PCNX2: variants seen among roughly 807,000 people sequenced by gnomAD.
PCNX2 encodes pecanex-like protein 2.
A neutral mutation model predicts 223.8 loss-of-function variants in PCNX2; 168 were observed. The ratio of observed to expected loss-of-function variants is 0.75; its 90% CI spans 0.66 to 0.85. The LOEUF is 0.85. PCNX2 is among the 40% of genes least tolerant of loss of function. The pLI, the probability that PCNX2 is intolerant of heterozygous loss-of-function variation, is 0.00. For synonymous variants in PCNX2, 1,006 were observed against 1,052.6 expected (o/e 0.96, Z 0.86); for missense variants, 2,507 against 2,675.5 (o/e 0.94, Z 1.39).
intron 1 of PCNX2, chr1:233,290,695 C>T: frequency 1.1e-6 from 1 of 944,238 alleles, no homozygotes; most frequent in Non-Finnish European, 1.3e-6. Context: ...ACAGATAATC[C>T]TATTAATTAT....
chr1:233,030,807 C>G (rs1303509235), intron 25 of PCNX2, among the ~76,000 whole-genome samples: 2 of 152,224 alleles, frequency 1.3e-5, no homozygotes, highest in East Asian at 3.8e-4. Context: ...TCATGTCATT[C>G]CAGTTACCAT....
chr1:233,229,619 G>A (rs1167729896), intron 9 of PCNX2, among the ~76,000 whole-genome samples: 1 of 152,120 alleles, frequency 6.6e-6, no homozygotes, highest in Non-Finnish European at 1.5e-5. Context: ...AGAGCTGAGA[G>A]CATTCCTTCC....
At chr1:233,076,214 T>C (rs1229488935) in intron 23 of PCNX2, among the ~76,000 whole-genome samples, 1 of 152,238 alleles carries the variant, frequency 6.6e-6, no homozygotes, top group Non-Finnish European at 1.5e-5. Flanking sequence ...TGCCATTTAT[T>C]TGAGTGTTTT....
chr1:233,242,159 A>T (rs890122294), intron 8 of PCNX2, among the ~76,000 whole-genome samples: 8 of 152,204 alleles, frequency 5.3e-5, no homozygotes, highest in Non-Finnish European at 1.0e-4. Flanking sequence ...GTGGGTTCAG[A>T]GATATACGGC....
At chr1:233,224,040 G>A (rs577321846) in intron 10 of PCNX2, among the ~76,000 whole-genome samples, 1 of 152,252 alleles carries the variant, frequency 6.6e-6, no homozygotes, top group South Asian at 2.1e-4. Flanking sequence ...CAGAAAGTAA[G>A]TTCCATAAGG....
intron 32 of PCNX2, among the ~76,000 whole-genome samples, chr1:232,988,453 CA>C (rs1669573600): frequency 6.6e-6 from 1 of 151,674 alleles, no homozygotes; most frequent in Non-Finnish European, 1.5e-5. Flanking sequence ...GCAAATGGAA[CA>C]GCACTAAGGA....
intron 23 of PCNX2, among the ~76,000 whole-genome samples, chr1:233,081,635 A>C (rs955441182): frequency 3.3e-5 from 5 of 152,248 alleles, no homozygotes; most frequent in African/African-American, 9.6e-5. Context: ...TTGCAGCCTG[A>C]AGACAGGGAC....
At chr1:233,189,271 T>C (rs536747333) in intron 15 of PCNX2, among the ~76,000 whole-genome samples, 5 of 152,300 alleles carry the variant, frequency 3.3e-5, no homozygotes, top group Non-Finnish European at 5.9e-5. Context: ...CATGGAGATA[T>C]AGTAAGGGGC....
chr1:233,256,647 T>C (rs1572160944), intron 5 of PCNX2, among the ~76,000 whole-genome samples: 1 of 152,356 alleles, frequency 6.6e-6, no homozygotes, highest in South Asian at 2.1e-4. Context: ...CTGGCTACCA[T>C]ATTGGACTGC....
chr1:232,989,453 CA>C (rs1007929012), intron 32 of PCNX2, among the ~76,000 whole-genome samples: 104 of 138,154 alleles, frequency 7.5e-4, no homozygotes, highest in East Asian at 1.9e-3. Context: ...GACTCCGTCT[CA>C]AAAAAAAAAA....
chr1:233,164,858 T>C (rs1249459647), intron 17 of PCNX2, among the ~76,000 whole-genome samples: 1 of 151,618 alleles, frequency 6.6e-6, no homozygotes, highest in Non-Finnish European at 1.5e-5. Flanking sequence ...AGTGGAATAG[T>C]GGTTTGTAGA....
intron 25 of PCNX2, among the ~76,000 whole-genome samples, chr1:233,037,474 G>A (rs1671495289): frequency 6.7e-6 from 1 of 149,080 alleles, no homozygotes; most frequent in African/African-American, 2.4e-5. Context: ...GGGACCTCAG[G>A]CAGGCACAAC....
chr1:233,250,703 A>G (rs1410439494), intron 8 of PCNX2, 36 bp downstream of exon 8: 2 of 1,561,426 alleles, frequency 1.3e-6, no homozygotes, highest in Admixed American at 4.0e-5. Flanking sequence ...CCAGCAATGC[A>G]ACAGCTCTCA....
At chr1:233,212,620 T>A (rs569200086) in intron 12 of PCNX2, among the ~76,000 whole-genome samples, 1 of 152,226 alleles carries the variant, frequency 6.6e-6, no homozygotes, top group African/African-American at 2.4e-5. Context: ...CACTCCGCTA[T>A]CTCCTAGTTC....
At chr1:233,181,199 CTT>C (rs555797913) in intron 15 of PCNX2, 24 of 135,584 alleles carry the variant, frequency 1.8e-4, no homozygotes, top group African/African-American at 2.2e-4. Context: ...AAGTTGCTGA[CTT>C]TTTTTTTTTT....
At chr1:233,283,693 G>T (rs1661303172) in intron 1 of PCNX2, among the ~76,000 whole-genome samples, 1 of 149,702 alleles carries the variant, frequency 6.7e-6, no homozygotes, top group African/African-American at 2.5e-5. Context: ...TGAGGACGGG[G>T]GAAAAAAAAA....
At chr1:233,165,467 C>T (rs549939741) in intron 17 of PCNX2, among the ~76,000 whole-genome samples, 1 of 152,218 alleles carries the variant, frequency 6.6e-6, no homozygotes, top group African/African-American at 2.4e-5. Flanking sequence ...TCCCTGCAAC[C>T]AGGGAAATAT....
At chr1:233,311,841 C>T in the PCNX2 span, among the ~76,000 whole-genome samples, 1 of 151,976 alleles carries the variant, frequency 6.6e-6, no homozygotes, top group African/African-American at 2.4e-5. Context: ...TAATTACAGC[C>T]GGGTGTAGTG....
intron 1 of PCNX2, among the ~76,000 whole-genome samples, chr1:233,292,929 T>G (rs543579556): frequency 9.2e-5 from 14 of 151,588 alleles, no homozygotes; most frequent in South Asian, 2.1e-4. Context: ...GGCATATCTG[T>G]TTTTTTTTAA....
Sources: gnomAD v4.1 joint callset for allele counts (sites outside exome capture counted in the v4.1 genomes callset) on GRCh38, gnomAD v4.1.1 for gene constraint, MANE v1.5 for transcripts, NCBI Gene and HGNC (gene_info 2026-07-23, HGNC 2026-07-21) for gene names.